CDH12: variants seen among roughly 807,000 people sequenced by gnomAD.
CDH12 encodes the protein cadherin-12.
A neutral mutation model predicts 74.1 loss-of-function variants in CDH12; 41 were observed. The observed-to-expected ratio is 0.55, with a 90% CI of 0.43 to 0.72. The LOEUF (loss-of-function observed/expected upper bound fraction) is 0.72, where lower values mean the gene tolerates loss of function less well. Among genes scored for constraint, CDH12 ranks in the 30% least tolerant of loss-of-function variants. The pLI is 0.00. For missense variants in CDH12, 945 were observed against 977.2 expected, an observed-to-expected ratio of 0.97 and a Z score of 0.44; for synonymous variants, 399 against 355.0, an observed-to-expected ratio of 1.12 and a Z score of -1.39.
rs141134248 is a variant in CDH12 at position 21,930,038 on chromosome 5, T to C, written c.526+45053A>G. On this transcript the variant is annotated intron_variant, in intron 6 of 14. Transcript: ENST00000382254. ...ACTGTTATTTTGGTGTTAGTTACTA[T>C]GTAATCAGAAATTTTGCTTTACCAG... 7.7e-3 allele frequency among the ~76,000 whole-genome samples: 1,167 copies of C among 152,332 alleles called. 17 individuals carry two copies. Among genetic ancestry groups the C allele is most frequent in the African/African-American group, 0.027 (1,107 of 41,578 alleles).
chr5:22,151,092 C>G lies in CDH12; in HGVS notation c.-187+61406G>C, dbSNP rs189596942. Among the ~76,000 whole-genome samples the G allele has an allele frequency of 3.3e-5, 5 of 152,244 alleles. No individual in the cohort carries two copies. In the East Asian group the frequency reaches 5.8e-4, roughly 18 times the overall value. On this transcript the variant is annotated intron_variant, in intron 4 of 14. Transcript: ENST00000382254. ...ACATCAGTGCCTTACATTAATTAAT[C>G]CATTTAATTCTACCTGCCATGAGTC... is the stretch of plus-strand genomic sequence containing the variant.
intron 6 of CDH12, among the ~76,000 whole-genome samples, chr5:21,868,081 G>A (rs1008746619): frequency 6.7e-6 from 1 of 149,806 alleles, no homozygotes; most frequent in African/African-American, 2.5e-5. Context: ...CTGCTGCCAT[G>A]GGAGACATGC....
intron 1 of CDH12, among the ~76,000 whole-genome samples, chr5:22,712,236 GA>G (rs1236221675): frequency 6.6e-6 from 1 of 151,866 alleles, no homozygotes; most frequent in African/African-American, 2.4e-5. Flanking sequence ...TTTGAAAATG[GA>G]AAATACAATT....
At chr5:21,766,705 T>C (rs1401145238) in intron 11 of CDH12, among the ~76,000 whole-genome samples, 1 of 151,918 alleles carries the variant, frequency 6.6e-6, no homozygotes, top group Non-Finnish European at 1.5e-5. Flanking sequence ...AGTTAACAAG[T>C]TGGTTAAACT....
At chr5:22,433,030 A>T (rs2126524389) in intron 2 of CDH12, among the ~76,000 whole-genome samples, 1 of 152,252 alleles carries the variant, frequency 6.6e-6, no homozygotes, top group East Asian at 1.9e-4. Flanking sequence ...CCCAGAAGTG[A>T]TTAGAATTCA....
intron 3 of CDH12, among the ~76,000 whole-genome samples, chr5:22,353,751 C>T (rs1243800826): frequency 1.3e-5 from 2 of 151,962 alleles, no homozygotes; most frequent in African/African-American, 4.8e-5. Context: ...TTCTTCATCT[C>T]AATTTTTGAT....
intron 2 of CDH12, among the ~76,000 whole-genome samples, chr5:22,491,610 C>CA (rs11446320): frequency 0.88 from 106,576 of 120,568 alleles, 46,990 homozygotes; most frequent in Admixed American, 0.92. Context: ...AGCTAATGAG[C>CA]AAAAAAAAAA....
At chr5:22,793,469 A>T (rs1430991482) in intron 1 of CDH12, among the ~76,000 whole-genome samples, 1 of 152,178 alleles carries the variant, frequency 6.6e-6, no homozygotes, top group Admixed American at 6.5e-5. Context: ...GTTCTAAAGG[A>T]ATGTGCTAGA....
chr5:22,788,370 A>T (rs1389241936), intron 1 of CDH12, among the ~76,000 whole-genome samples: 4 of 151,842 alleles, frequency 2.6e-5, no homozygotes, highest in Non-Finnish European at 5.9e-5. Context: ...TATTTGCTAC[A>T]TCTTTGTTTG....
intron 4 of CDH12, among the ~76,000 whole-genome samples, chr5:22,120,288 T>C (rs1745429904): frequency 6.6e-6 from 1 of 152,122 alleles, no homozygotes; most frequent in Non-Finnish European, 1.5e-5. Flanking sequence ...GGAATACCAG[T>C]AATACCAGGA....
intron 3 of CDH12, among the ~76,000 whole-genome samples, chr5:22,218,487 C>T (rs1751901156): frequency 6.6e-6 from 1 of 151,640 alleles, no homozygotes; most frequent in Non-Finnish European, 1.5e-5. Context: ...AAATACATTA[C>T]TAATATATAA....
chr5:22,801,655 ATATATATAT>A (rs1450874078), intron 1 of CDH12, among the ~76,000 whole-genome samples: 4 of 116,656 alleles, frequency 3.4e-5, no homozygotes, highest in Non-Finnish European at 5.1e-5. Context: ...ATATATATAT[ATATATATAT>A]ATATATATAT....
intron 1 of CDH12, among the ~76,000 whole-genome samples, chr5:22,516,659 G>A (rs575793382): frequency 6.6e-6 from 1 of 152,144 alleles, no homozygotes; most frequent in East Asian, 1.9e-4. Context: ...GCAGGGCATG[G>A]TGATGCATGC....
At chr5:22,522,048 T>C (rs1376331669) in intron 1 of CDH12, among the ~76,000 whole-genome samples, 2 of 152,218 alleles carry the variant, frequency 1.3e-5, no homozygotes, top group Non-Finnish European at 2.9e-5. Context: ...GAAAGTTTTA[T>C]GTTTCTGATT....
intron 11 of CDH12, among the ~76,000 whole-genome samples, chr5:21,770,278 G>C (rs1745248855): frequency 6.6e-6 from 1 of 152,082 alleles, no homozygotes; most frequent in African/African-American, 2.4e-5. Flanking sequence ...AAATACACTG[G>C]AGTTATTTTG....
intron 1 of CDH12, among the ~76,000 whole-genome samples, chr5:22,834,677 A>G (rs1581047246): frequency 2.0e-5 from 3 of 152,172 alleles, no homozygotes; most frequent in Admixed American, 6.6e-5. Flanking sequence ...AGGGGCATGT[A>G]CTTAGAAATG....
chr5:22,721,574 T>C (rs913305149), intron 1 of CDH12, among the ~76,000 whole-genome samples: 5 of 151,992 alleles, frequency 3.3e-5, no homozygotes, highest in Non-Finnish European at 5.9e-5. Context: ...TTGAAATGAG[T>C]TGAGACTTTG....
chr5:21,767,473 T>C (rs1745092847), intron 11 of CDH12, among the ~76,000 whole-genome samples: 1 of 151,714 alleles, frequency 6.6e-6, no homozygotes, highest in Middle Eastern at 3.2e-3. Context: ...TTGTAATTTT[T>C]TTATTAACAG....
At chr5:22,227,836 AG>A (rs1488116234) in intron 3 of CDH12, among the ~76,000 whole-genome samples, 2 of 152,114 alleles carry the variant, frequency 1.3e-5, no homozygotes, top group African/African-American at 4.8e-5. Context: ...TTGGAAACAG[AG>A]TAATTCCAAT....
Sources: allele counts gnomAD v4.1 joint callset (sites outside exome capture counted in the v4.1 genomes callset), GRCh38; gene constraint gnomAD v4.1.1; transcripts MANE v1.5; gene names NCBI Gene and HGNC (gene_info 2026-07-23, HGNC 2026-07-21).